The following ANO4 variants were observed in gnomAD, a reference collection of about 807,000 sequenced individuals.
ANO4 encodes the protein anoctamin-4.
A neutral mutation model predicts 141.9 loss-of-function variants in ANO4; 69 were observed. The observed-to-expected ratio is 0.49, with a 90% CI of 0.40 to 0.59. ANO4 has a LOEUF of 0.59. Ranked by LOEUF, ANO4 falls within the 20% of genes least tolerant of loss-of-function variation. The probability of loss-of-function intolerance (pLI) is 0.00; values close to 1 mark genes in which losing one functional copy is unlikely to be tolerated. For synonymous variants in ANO4, 350 were observed against 394.3 expected, an observed-to-expected ratio of 0.89 and a Z score of 1.33; for missense variants, 894 against 1,162.2, an observed-to-expected ratio of 0.77 and a Z score of 3.36.
chr12:100,974,649 T>G, intron 6 of ANO4, 196 bp from the exon 7 acceptor site: 1 of 656,284 alleles, frequency 1.5e-6, no homozygotes. Flanking sequence ...ATGGAAACTG[T>G]TTCATAAGAT....
chr12:100,819,667 A>C (rs1395586441), intron 1 of ANO4, among the ~76,000 whole-genome samples: 1 of 152,058 alleles, frequency 6.6e-6, no homozygotes, highest in Non-Finnish European at 1.5e-5. Context: ...ATAAAGTTTG[A>C]CTTAAAGAAC....
At position 101,083,696 on chromosome 12, in the gene ANO4, T is replaced by C. The variant is rs1389525765; in HGVS notation, c.1414T>C (p.Phe472Leu). Residue 472 changes from phenylalanine (F) to leucine (L), a missense_variant, in exon 16 of 28, where the codon TTT (phenylalanine) becomes CTT (leucine). Coordinates refer to ENST00000392977, the MANE Select transcript of ANO4 (RefSeq NM_001286615.2). ...EEEEEEIRPQ[F>L]EAKYSKKERM... ...CCTTTAGGAAGAAATACGACCCCAGTTTGAAGCCAAGTATTCCAAGAAAGA... is the reference window on the plus strand; with the variant it reads ...CCTTTAGGAAGAAATACGACCCCAGCTTGAAGCCAAGTATTCCAAGAAAGA... 6.2e-7 allele frequency: 1 copy of C among 1,608,524 alleles called. No individual in the cohort carries two copies. The highest frequency in any genetic ancestry group is 8.5e-7 in the Non-Finnish European group (1 of 1,178,804).
chr12:101,094,138 G>C (rs2136937184), intron 17 of ANO4, 118 bp from the exon 18 acceptor site: 1 of 746,210 alleles, frequency 1.3e-6, no homozygotes, highest in Non-Finnish European at 2.3e-6. Context: ...CATTGGTTGA[G>C]CAATGGATGC....
chr12:100,935,359 T>G (rs2042243324), intron 3 of ANO4, among the ~76,000 whole-genome samples: 1 of 152,218 alleles, frequency 6.6e-6, no homozygotes, highest in East Asian at 1.9e-4. Flanking sequence ...TCATGTGTTT[T>G]TTGTCGTTGA....
chr12:100,752,329 C>T (rs1167753251), intron 3 of ANO4, among the ~76,000 whole-genome samples: 2 of 152,072 alleles, frequency 1.3e-5, no homozygotes, highest in African/African-American at 2.4e-5. Context: ...TGACCTACTA[C>T]TACTACTACT....
intron 22 of ANO4, among the ~76,000 whole-genome samples, chr12:101,109,492 C>T (rs567796431): frequency 6.6e-6 from 1 of 151,732 alleles, no homozygotes; most frequent in Non-Finnish European, 1.5e-5. Flanking sequence ...ACCCAGGAGG[C>T]GGAGGTTGCA....
chr12:101,066,626 G>A, intron 14 of ANO4: 3 of 541,800 alleles, frequency 5.5e-6, no homozygotes, highest in Non-Finnish European at 9.9e-6. Context: ...GAGATGCCCT[G>A]CTGGGAGAGT....
At chr12:101,106,594 T>A (rs1438030693) in intron 22 of ANO4, among the ~76,000 whole-genome samples, 4 of 149,098 alleles carry the variant, frequency 2.7e-5, no homozygotes, top group African/African-American at 4.9e-5. Context: ...TATATATATA[T>A]AAATGAACTG....
chr12:100,779,386 A>G (rs1309562069), intron 3 of ANO4, among the ~76,000 whole-genome samples: 1 of 152,234 alleles, frequency 6.6e-6, no homozygotes, highest in African/African-American at 2.4e-5. Flanking sequence ...TTGGCATAAC[A>G]ATGAGCTTGC....
intron 26 of ANO4, 75 bp from the exon 27 acceptor site, chr12:101,126,804 C>T: frequency 1.4e-6 from 2 of 1,393,282 alleles, no homozygotes; most frequent in African/African-American, 1.4e-5. Flanking sequence ...GGTCCACATC[C>T]TTCTTCAGCC....
In ANO4 at chr12:101,068,503, CTT is replaced by C. The variant is rs1460764514; in HGVS notation, c.1313-10688_1313-10687del. 4 of 1,073,354 alleles carry C rather than the reference CTT, an allele frequency of 3.7e-6. No individual in the cohort carries two copies. The Admixed American group carries it at 6.8e-5, about 18-fold the overall frequency. The allele number at this position is 1,073,354 out of a possible 1,614,324, so 66.5% of individuals were successfully genotyped here. A position where few individuals can be genotyped will look rare whatever the true frequency, so the allele number is the denominator to read the frequency against. On this transcript the variant is annotated intron_variant, in intron 14 of 27. Coordinates refer to ENST00000392977, the MANE Select transcript of ANO4 (RefSeq NM_001286615.2). ...ACCCTGTTCTCAGTAAAGATCGCAACTTTCATATTTTCCTGGAATATGATCAG... is the reference window on the plus strand; with the variant it reads ...ACCCTGTTCTCAGTAAAGATCGCAACTCATATTTTCCTGGAATATGATCAG...
At chr12:100,899,374 C>A (rs1386373419) in intron 1 of ANO4, among the ~76,000 whole-genome samples, 1 of 152,188 alleles carries the variant, frequency 6.6e-6, no homozygotes, top group Non-Finnish European at 1.5e-5. Context: ...AGCGTGAAAA[C>A]TCTCTTCCTG....
chr12:101,052,490 C>CT (rs1317234656), intron 14 of ANO4, among the ~76,000 whole-genome samples: 2 of 152,032 alleles, frequency 1.3e-5, no homozygotes, highest in African/African-American at 4.8e-5. Flanking sequence ...TTTTCTCTCT[C>CT]TCCCCCTTGT....
intron 1 of ANO4, among the ~76,000 whole-genome samples, chr12:100,828,035 T>A (rs2036449339): frequency 6.6e-6 from 1 of 152,008 alleles, no homozygotes; most frequent in Admixed American, 6.6e-5. Context: ...AAGGTTGTGA[T>A]ACATACTCCT....
Position 100,829,977 on chromosome 12 carries a change from G to A in ANO4, c.-141+34950G>A, listed in dbSNP as rs565968709. Among the ~76,000 whole-genome samples the A allele has an allele frequency of 5.3e-5, 8 of 152,146 alleles. No individual in the cohort carries two copies. In the South Asian group the frequency reaches 6.2e-4, roughly 12 times the overall value. On this transcript the variant is annotated intron_variant, in intron 1 of 27. Transcript: ENST00000392977. ...GTGGTGACAGAATTGCATTGAAATC[G>A]TGGCTCTTCTACTCAATAATTGTGT...
At chr12:100,895,275 A>G (rs1454942690) in intron 1 of ANO4, among the ~76,000 whole-genome samples, 1 of 152,150 alleles carries the variant, frequency 6.6e-6, no homozygotes, top group African/African-American at 2.4e-5. Flanking sequence ...AATGCAACAC[A>G]TAGACAGCAT....
At chr12:100,719,376 T>A (rs541033150) in intron 1 of ANO4, among the ~76,000 whole-genome samples, 1 of 152,250 alleles carries the variant, frequency 6.6e-6, no homozygotes, top group African/African-American at 2.4e-5. Context: ...AGAAAAACAT[T>A]GAGCACATTT....
intron 26 of ANO4, among the ~76,000 whole-genome samples, chr12:101,120,935 T>C (rs2051063396): frequency 6.6e-6 from 1 of 152,198 alleles, no homozygotes. Context: ...CACTCCCAGA[T>C]ATTCTGACAT....
At chr12:101,018,843 G>T (rs2046408667) in intron 8 of ANO4, among the ~76,000 whole-genome samples, 1 of 152,090 alleles carries the variant, frequency 6.6e-6, no homozygotes, top group Non-Finnish European at 1.5e-5. Context: ...TGATGCTCTT[G>T]CTTCCCCACT....
Sources: allele counts gnomAD v4.1 joint callset (sites outside exome capture counted in the v4.1 genomes callset), GRCh38; gene constraint gnomAD v4.1.1; transcripts MANE v1.5; gene names NCBI Gene and HGNC (gene_info 2026-07-23, HGNC 2026-07-21).